TFCP2L1: variants seen among roughly 807,000 people sequenced by gnomAD.
TFCP2L1 encodes the protein transcription factor CP2-like protein 1.
TFCP2L1 carries 12 observed loss-of-function variants against 72.2 expected under a neutral mutation model. That is an observed-to-expected ratio of 0.17 (90% CI 0.11 to 0.27). The LOEUF is 0.27. TFCP2L1 is among the 10% of genes least tolerant of loss of function. The pLI is 1.00. For synonymous variants in TFCP2L1, 260 were observed against 251.0 expected (o/e 1.04, Z -0.34); for missense variants, 488 against 624.6 (o/e 0.78, Z 2.33).
chr2:121,236,274 G>A (rs1175825541), intron 10 of TFCP2L1, among the ~76,000 whole-genome samples: 3 of 152,170 alleles, frequency 2.0e-5, no homozygotes, highest in Admixed American at 2.0e-4. Context: ...CCCGGAGAGG[G>A]CTGCGGGATC....
At chr2:121,276,341 T>C (rs1218260366) in intron 2 of TFCP2L1, among the ~76,000 whole-genome samples, 4 of 151,896 alleles carry the variant, frequency 2.6e-5, no homozygotes, top group Non-Finnish European at 5.9e-5. Context: ...CTGTGTTAGT[T>C]TGCTGAGAAT....
intron 2 of TFCP2L1, among the ~76,000 whole-genome samples, chr2:121,260,139 C>A (rs1025101981): frequency 9.2e-5 from 14 of 152,116 alleles, no homozygotes; most frequent in African/African-American, 3.4e-4. Context: ...TACACTAGGA[C>A]CGTGCCCATT....
At chr2:121,281,064 C>T (rs2104771458) in intron 2 of TFCP2L1, 56 bp downstream of exon 2, 1 of 1,609,266 alleles carries the variant, frequency 6.2e-7, no homozygotes, top group East Asian at 2.2e-5. Context: ...GGGCCTTTCG[C>T]ATCAGCTCCC....
intron 1 of TFCP2L1, among the ~76,000 whole-genome samples, chr2:121,284,083 A>G (rs2104777456): frequency 6.6e-6 from 1 of 152,310 alleles, no homozygotes; most frequent in South Asian, 2.1e-4. Flanking sequence ...ACGTTTTAAG[A>G]TCTAAGTGGG....
chr2:121,254,703 TG>T (rs1217603028), intron 2 of TFCP2L1, among the ~76,000 whole-genome samples: 13 of 151,664 alleles, frequency 8.6e-5, no homozygotes, highest in African/African-American at 3.1e-4. Context: ...CTCAGGAGGC[TG>T]GGGCAAGAGA....
chr2:121,241,246 C>A (rs1044028967), intron 7 of TFCP2L1, among the ~76,000 whole-genome samples: 2 of 152,206 alleles, frequency 1.3e-5, no homozygotes, highest in Non-Finnish European at 2.9e-5. Flanking sequence ...GTAATCCCAG[C>A]ACTTTGGGAG....
At chr2:121,267,304 G>A (rs1461903388) in intron 2 of TFCP2L1, among the ~76,000 whole-genome samples, 1 of 152,118 alleles carries the variant, frequency 6.6e-6, no homozygotes, top group Non-Finnish European at 1.5e-5. Context: ...TCCTATCTCA[G>A]CCTTCCAAGT....
intron 2 of TFCP2L1, among the ~76,000 whole-genome samples, chr2:121,256,748 C>A (rs549198790): frequency 3.3e-5 from 5 of 151,784 alleles, no homozygotes; most frequent in Non-Finnish European, 7.4e-5. Flanking sequence ...TGCACTCCAG[C>A]TGGGGCGACA....
intron 1 of TFCP2L1, among the ~76,000 whole-genome samples, chr2:121,283,266 G>A (rs879335808): frequency 1.3e-5 from 2 of 152,108 alleles, no homozygotes; most frequent in African/African-American, 2.4e-5. Context: ...ACCCTGGTGA[G>A]GTCAGACAGC....
At chr2:121,239,774 C>A (rs1168462663) in intron 7 of TFCP2L1, 125 bp from the exon 8 acceptor site, 6 of 974,892 alleles carry the variant, frequency 6.2e-6, no homozygotes, top group Non-Finnish European at 8.9e-6. Context: ...ACGCAGCCTG[C>A]GTTTACCCAG....
intron 2 of TFCP2L1, among the ~76,000 whole-genome samples, chr2:121,251,133 G>A (rs1477297996): frequency 6.6e-6 from 1 of 151,766 alleles, no homozygotes; most frequent in East Asian, 2.0e-4. Flanking sequence ...GTATGTGATT[G>A]TCATCCCAGC....
intron 2 of TFCP2L1, among the ~76,000 whole-genome samples, chr2:121,253,437 C>T (rs1686651086): frequency 6.6e-6 from 1 of 152,228 alleles, no homozygotes; most frequent in Non-Finnish European, 1.5e-5. Context: ...GAGTCCAACA[C>T]TCCCTTGATA....
chr2:121,268,894 T>G (rs78093243), intron 2 of TFCP2L1, among the ~76,000 whole-genome samples: 5,250 of 151,212 alleles, frequency 0.035, 147 homozygotes, highest in East Asian at 0.14. Flanking sequence ...CTATATCAAG[T>G]TTCTACATTC....
At position 121,239,588 on chromosome 2, in the gene TFCP2L1, C is replaced by A. The variant is rs755144704; in HGVS notation, c.830G>T (p.Gly277Val). The change falls in exon 8 of 15, where the codon GGT becomes GTT. Residue 277 changes from glycine to valine, a missense_variant. By Grantham distance (109) the Gly-to-Val change is moderately radical. Around this residue, in one of 3 missense-constraint regions of TFCP2L1, gnomAD observed 286 missense variants for 329.0 expected, o/e 0.87. Coordinates refer to ENST00000263707, the MANE Select transcript of TFCP2L1 (RefSeq NM_014553.3). ...VNSAPSPSYN[G>V]SPNSFGLGEG... ...GCCGAGGCCAAAGCTGTTTGGAGAA[C>A]CATTGTAGCTTGGGGACGGGGCGCT... 33 of 1,614,068 alleles carry A rather than the reference C, an allele frequency of 2.0e-5. 1 individual carries two copies. Among genetic ancestry groups the A allele is most frequent in the Middle Eastern group, 1.6e-4 (1 of 6,084 alleles).
intron 1 of TFCP2L1, among the ~76,000 whole-genome samples, chr2:121,284,746 G>C (rs901603758): frequency 6.6e-6 from 1 of 152,180 alleles, no homozygotes; most frequent in Non-Finnish European, 1.5e-5. Context: ...CGGGCCAGGG[G>C]AGGCGGCGGG....
At chr2:121,269,006 A>G (rs765719693) in intron 2 of TFCP2L1, among the ~76,000 whole-genome samples, 3 of 151,962 alleles carry the variant, frequency 2.0e-5, no homozygotes, top group Non-Finnish European at 2.9e-5. Flanking sequence ...CAAAGTATCA[A>G]AGATTAGGGA....
intron 2 of TFCP2L1, among the ~76,000 whole-genome samples, chr2:121,265,025 A>G (rs1384058325): frequency 6.6e-6 from 1 of 152,238 alleles, no homozygotes; most frequent in Non-Finnish European, 1.5e-5. Context: ...ATGTTTACAC[A>G]AAGGCTCACA....
rs80221523 is a variant in TFCP2L1, at chr2:121,271,355, C to T, written c.214+9765G>A. Among the ~76,000 whole-genome samples the T allele has an allele frequency of 2.2e-3, 334 of 151,918 alleles. 1 individual carries two copies. Among genetic ancestry groups the T allele is most frequent in the Non-Finnish European group, 3.7e-3 (252 of 67,972 alleles). On this transcript the variant is annotated intron_variant, in intron 2 of 14. Coordinates refer to ENST00000263707, the MANE Select transcript of TFCP2L1 (RefSeq NM_014553.3). ...ATATATATGGGTTAAAGTATGACTA[C>T]GAAAAATCTGGAAGGTAGAACTATG...
Position 121,281,151 on chromosome 2 carries a change from C to A in TFCP2L1, c.183G>T (p.Leu61=), listed in dbSNP as rs767106040. The A allele has an allele frequency of 3.1e-6, 5 of 1,613,834 alleles. No homozygotes were observed. The highest frequency in any genetic ancestry group is 1.6e-4 in the Middle Eastern group (1 of 6,084). ...TGAGGTAGGTCAGCGTCTCTTCATG[C>A]AGCTTCACGGCTGGGGACGTGGCAG... ...LCAATSPAVK[L]HEETLTYLNQ... is the part of the protein sequence containing the mutation. The change falls in exon 2 of 15, where the codon CTG becomes CTT. Residue 61 remains leucine (L), a synonymous_variant. Transcript: ENST00000263707.
Sources: gnomAD v4.1 joint callset for allele counts (sites outside exome capture counted in the v4.1 genomes callset) on GRCh38, gnomAD v4.1.1 for gene constraint, gnomAD v4.1.1 regional missense constraint, MANE v1.5 for transcripts, NCBI Gene and HGNC (gene_info 2026-07-23, HGNC 2026-07-21) for gene names.